Variants in CHLSN observed in about 807,000 individuals in gnomAD.
CHLSN encodes cholesin.
the CHLSN span, chr7:989,767 G>A: frequency 3.6e-5 from 7 of 195,612 alleles, no homozygotes; most frequent in Admixed American, 1.1e-4. Flanking sequence ...GTGACAGAGC[G>A]AGATTCCATC....
At chr7:984,928 C>T in the CHLSN span, 5 of 1,573,688 alleles carry the variant, frequency 3.2e-6, no homozygotes, top group Admixed American at 5.2e-5. Flanking sequence ...CTGGGCTCAC[C>T]ACGCACTGTA....
At chr7:1,012,025 C>A in the CHLSN span, among the ~76,000 whole-genome samples, 1 of 152,218 alleles carries the variant, frequency 6.6e-6, no homozygotes, top group East Asian at 1.9e-4. Flanking sequence ...CCAACCAGCT[C>A]CATGCTCACC....
At chr7:987,226 C>T in the CHLSN span, 1 of 1,536,132 alleles carries the variant, frequency 6.5e-7, no homozygotes. Context: ...TTCTGATGGG[C>T]CGGCACCCGG....
the CHLSN span, chr7:1,091,873 C>G: frequency 1.8e-5 from 29 of 1,613,626 alleles, no homozygotes; most frequent in Non-Finnish European, 2.5e-5. Flanking sequence ...GACAGGTGAG[C>G]TCTCGGAGCA....
chr7:1,136,880 AC>A, the CHLSN span, among the ~76,000 whole-genome samples: 1 of 152,010 alleles, frequency 6.6e-6, no homozygotes, highest in Admixed American at 6.6e-5. Flanking sequence ...TCTCTTTCTC[AC>A]ATACTCGTCC....
chr7:1,055,478 G>C, the CHLSN span: 2 of 457,850 alleles, frequency 4.4e-6, no homozygotes, highest in African/African-American at 4.0e-5. Context: ...GGGCCACAAA[G>C]TAAAGGTGAG....
the CHLSN span, among the ~76,000 whole-genome samples, chr7:1,027,729 C>G: frequency 2.0e-5 from 3 of 152,376 alleles, no homozygotes; most frequent in Non-Finnish European, 4.4e-5. Flanking sequence ...CCCTGGCTTC[C>G]GAGCGCCCGA....
chr7:1,135,892 T>C, the CHLSN span, among the ~76,000 whole-genome samples: 1 of 132,594 alleles, frequency 7.5e-6, no homozygotes, highest in Non-Finnish European at 1.5e-5. Flanking sequence ...AATATATAAA[T>C]ATATAAGTAT....
At chr7:1,053,147 G>T in the CHLSN span, among the ~76,000 whole-genome samples, 1 of 152,234 alleles carries the variant, frequency 6.6e-6, no homozygotes, top group Non-Finnish European at 1.5e-5. Context: ...GCCAGGAAAA[G>T]GAAGTCTCTG....
the CHLSN span, chr7:986,444 T>G: frequency 3.0e-6 from 2 of 669,566 alleles, no homozygotes; most frequent in Admixed American, 3.1e-5. Flanking sequence ...GGACAGGGGG[T>G]TTCCTGGCAG....
the CHLSN span, chr7:988,552 G>A: frequency 6.3e-7 from 1 of 1,597,954 alleles, no homozygotes; most frequent in Non-Finnish European, 8.5e-7. Flanking sequence ...GGCTGCTCCT[G>A]TGCTCCCCTG....
the CHLSN span, among the ~76,000 whole-genome samples, chr7:1,110,931 G>A: frequency 6.6e-6 from 1 of 151,986 alleles, no homozygotes; most frequent in Non-Finnish European, 1.5e-5. Flanking sequence ...AAGCAATCAC[G>A]CCAGGTGTGG....
chr7:986,389 A>T, the CHLSN span: 1 of 570,702 alleles, frequency 1.8e-6, no homozygotes, highest in Non-Finnish European at 3.1e-6. Flanking sequence ...GGATGGAAGG[A>T]GGTCCTGCTG....
At chr7:984,590 G>C in the CHLSN span, 7 of 1,554,900 alleles carry the variant, frequency 4.5e-6, no homozygotes, top group Non-Finnish European at 6.1e-6. Flanking sequence ...TGTGTGGCCG[G>C]CGCTACGGGG....
At chr7:1,070,805 GCA>G in the CHLSN span, among the ~76,000 whole-genome samples, 21 of 120,724 alleles carry the variant, frequency 1.7e-4, no homozygotes, top group South Asian at 5.1e-4. Context: ...GTGCACACAT[GCA>G]CACACATCCA....
At chr7:1,100,103 G>C in the CHLSN span, among the ~76,000 whole-genome samples, 1 of 152,228 alleles carries the variant, frequency 6.6e-6, no homozygotes, top group Non-Finnish European at 1.5e-5. Flanking sequence ...GTTACATGAA[G>C]GTTGCCAGGT....
chr7:1,084,147 G>A, the CHLSN span, among the ~76,000 whole-genome samples: 7 of 152,206 alleles, frequency 4.6e-5, no homozygotes, highest in South Asian at 4.1e-4. Flanking sequence ...GGCAAAACCC[G>A]CACACCCCAC....
At chr7:1,021,856 G>A in the CHLSN span, among the ~76,000 whole-genome samples, 2 of 152,234 alleles carry the variant, frequency 1.3e-5, no homozygotes, top group Non-Finnish European at 2.9e-5. Context: ...GCCCTTCCGC[G>A]GGGCGAGGCT....
chr7:1,087,358 G>C, the CHLSN span: 1 of 152,260 alleles, frequency 6.6e-6, no homozygotes, highest in Admixed American at 6.5e-5. Flanking sequence ...GACCGGAAGA[G>C]TTTCGGAGTT....
Sources: gnomAD v4.1 joint callset for allele counts (sites outside exome capture counted in the v4.1 genomes callset) on GRCh38, gnomAD v4.1.1 for gene constraint, MANE v1.5 for transcripts, NCBI Gene and HGNC (gene_info 2026-07-23, HGNC 2026-07-21) for gene names.